The following LRRTM4 variants were observed in gnomAD, a reference collection of about 807,000 sequenced individuals.
LRRTM4 encodes leucine rich repeat transmembrane neuronal 4.
Under a neutral mutation model 47.6 loss-of-function variants are expected in LRRTM4, and 25 were observed. The observed-to-expected ratio is 0.53, with a 90% CI of 0.38 to 0.73. LRRTM4 has a LOEUF of 0.73. Ranked by LOEUF, LRRTM4 falls within the 30% of genes least tolerant of loss-of-function variation. The pLI is 0.00. For synonymous variants in LRRTM4, 311 were observed against 269.5 expected, an observed-to-expected ratio of 1.15 and a Z score of -1.51; for missense variants, 638 against 713.4, an observed-to-expected ratio of 0.89 and a Z score of 1.20.
chr2:76,770,707 A>C (rs1673659191), intron 3 of LRRTM4, among the ~76,000 whole-genome samples: 1 of 152,222 alleles, frequency 6.6e-6, no homozygotes, highest in African/African-American at 2.4e-5. Context: ...CTCCTTTTAC[A>C]TATTCAGCAT....
chr2:77,353,564 C>T (rs1408304835), intron 3 of LRRTM4, among the ~76,000 whole-genome samples: 1 of 152,096 alleles, frequency 6.6e-6, no homozygotes, highest in Non-Finnish European at 1.5e-5. Context: ...TTTCCTGAAC[C>T]TTATGTAGGG....
intron 3 of LRRTM4, among the ~76,000 whole-genome samples, chr2:77,426,298 C>T (rs1202104107): frequency 6.6e-6 from 1 of 152,092 alleles, no homozygotes; most frequent in African/African-American, 2.4e-5. Flanking sequence ...CTTAATGTAT[C>T]TACAATAGGA....
At chr2:76,850,016 T>A (rs1671945541) in intron 3 of LRRTM4, among the ~76,000 whole-genome samples, 1 of 151,982 alleles carries the variant, frequency 6.6e-6, no homozygotes, top group African/African-American at 2.4e-5. Context: ...CTCATGTGTA[T>A]AAGTGGCTTA....
chr2:77,033,241 T>G (rs907546560), intron 3 of LRRTM4, among the ~76,000 whole-genome samples: 1 of 152,014 alleles, frequency 6.6e-6, no homozygotes, highest in Non-Finnish European at 1.5e-5. Context: ...CATTGTCACA[T>G]GCATTTATTA....
chr2:77,158,783 T>C (rs1348371482), intron 3 of LRRTM4, among the ~76,000 whole-genome samples: 2 of 151,998 alleles, frequency 1.3e-5, no homozygotes, highest in African/African-American at 4.8e-5. Context: ...AAGTGCTTTT[T>C]TCGTTTTTTT....
intron 3 of LRRTM4, among the ~76,000 whole-genome samples, chr2:77,207,163 T>TAG (rs1674149838): frequency 6.9e-6 from 1 of 144,218 alleles, no homozygotes; most frequent in Admixed American, 6.9e-5. Context: ...TATATATATA[T>TAG]AGAAAATTTC....
chr2:76,796,132 A>G (rs138808669), intron 3 of LRRTM4, among the ~76,000 whole-genome samples: 59,517 of 135,812 alleles, frequency 0.44, 16,606 homozygotes, highest in East Asian at 0.62. Context: ...GGCACACCAC[A>G]AGATTATATC....
At chr2:77,247,369 A>T (rs1393819600) in intron 3 of LRRTM4, among the ~76,000 whole-genome samples, 1 of 152,062 alleles carries the variant, frequency 6.6e-6, no homozygotes, top group East Asian at 1.9e-4. Context: ...GGATCACAAA[A>T]CCACACTACC....
chr2:77,373,088 A>AATATAT (rs1553435843), intron 3 of LRRTM4, among the ~76,000 whole-genome samples: 12 of 140,350 alleles, frequency 8.6e-5, no homozygotes, highest in South Asian at 2.3e-4. Flanking sequence ...TTAAAAAAAA[A>AATATAT]ATATATATAT....
At chr2:76,805,899 C>G (rs1243037854) in intron 3 of LRRTM4, among the ~76,000 whole-genome samples, 1 of 152,088 alleles carries the variant, frequency 6.6e-6, no homozygotes, top group Non-Finnish European at 1.5e-5. Context: ...TTCCCTTAGG[C>G]ACAAGCTCTA....
chr2:77,082,412 G>A (rs1295856340), intron 3 of LRRTM4, among the ~76,000 whole-genome samples: 2 of 151,886 alleles, frequency 1.3e-5, no homozygotes, highest in African/African-American at 4.8e-5. Context: ...CATAAGTTGT[G>A]TCATAGAAAC....
intron 3 of LRRTM4, among the ~76,000 whole-genome samples, chr2:77,486,991 C>T (rs1029792763): frequency 3.3e-5 from 5 of 152,172 alleles, no homozygotes; most frequent in African/African-American, 1.2e-4. Context: ...TAAATCATAT[C>T]GAAAGATTGG....
chr2:77,134,724 C>T (rs928979461), intron 3 of LRRTM4, among the ~76,000 whole-genome samples: 3 of 152,126 alleles, frequency 2.0e-5, no homozygotes, highest in African/African-American at 7.2e-5. Context: ...ATCCTGAAAT[C>T]TTACTGGAAC....
At chr2:76,775,294 A>G (rs1673916349) in intron 3 of LRRTM4, among the ~76,000 whole-genome samples, 1 of 152,120 alleles carries the variant, frequency 6.6e-6, no homozygotes, top group Non-Finnish European at 1.5e-5. Context: ...CTTCCACAAC[A>G]TTGGCAATCC....
At chr2:77,324,465 C>G in intron 3 of LRRTM4, among the ~76,000 whole-genome samples, 1 of 152,084 alleles carries the variant, frequency 6.6e-6, no homozygotes, top group Non-Finnish European at 1.5e-5. Context: ...TAAGGATCCC[C>G]TGAAGATGTG....
Position 77,033,510 on chromosome 2 carries a change from T to G in LRRTM4, c.1552-284594A>C, listed in dbSNP as rs576283236. Among the ~76,000 whole-genome samples, 3 of 151,996 alleles carry G rather than the reference T, an allele frequency of 2.0e-5. No homozygotes were observed. The South Asian group carries it at 6.2e-4, about 32-fold the overall frequency. On this transcript the variant is annotated intron_variant, in intron 3 of 3. Transcript: ENST00000409884. The stretch of plus-strand genomic sequence containing the variant: ...TAATGTTGACAAATTAAATCACCAT[T>G]CCCTGTGTACCGAATATCAATTTTA...
At position 77,519,428 on chromosome 2, in the gene LRRTM4, T is replaced by C; in HGVS notation, c.441A>G (p.Thr147=). Residue 147 remains threonine (T), a synonymous_variant, in exon 3 of 4, where the codon ACA becomes ACG. Transcript: ENST00000409884. This position sits in a 1 kb window ranked among gnomAD's most constrained non-coding sequence, Gnocchi z 4.6. ...NLDLSYNKLQ[T]LQSEQFKGLR... ...GGCCTTTAAATTGTTCAGATTGCAATGTCTGAAGCTTATTGTAGGAGAGGT... is the reference window on the plus strand; with the variant it reads ...GGCCTTTAAATTGTTCAGATTGCAACGTCTGAAGCTTATTGTAGGAGAGGT... The C allele has an allele frequency of 6.2e-7, 1 of 1,613,504 alleles. No individual in the cohort carries two copies. The highest frequency in any genetic ancestry group is 1.3e-5 in the African/African-American group (1 of 75,014).
At chr2:77,270,389 G>C (rs77113194) in intron 3 of LRRTM4, among the ~76,000 whole-genome samples, 1 of 152,058 alleles carries the variant, frequency 6.6e-6, no homozygotes, top group African/African-American at 2.4e-5. Context: ...ATGATGACTC[G>C]TGTGAAAATA....
At chr2:77,300,790 A>G (rs1677115432) in intron 3 of LRRTM4, among the ~76,000 whole-genome samples, 1 of 152,094 alleles carries the variant, frequency 6.6e-6, no homozygotes, top group South Asian at 2.1e-4. Flanking sequence ...AGCTTCATCC[A>G]TTTGATTAAG....
Sources: allele counts gnomAD v4.1 joint callset (sites outside exome capture counted in the v4.1 genomes callset), GRCh38; gene constraint gnomAD v4.1.1; non-coding constraint Gnocchi (gnomAD v3.1); transcripts MANE v1.5; gene names NCBI Gene and HGNC (gene_info 2026-07-23, HGNC 2026-07-21).